Variants in SEPSECS observed in about 807,000 individuals in gnomAD.
SEPSECS encodes O-phosphoseryl-tRNA(Sec) selenium transferase.
A neutral mutation model predicts 52.1 loss-of-function variants in SEPSECS; 42 were observed. That is an observed-to-expected ratio of 0.81 (90% CI 0.63 to 1.04). The LOEUF is 1.04. SEPSECS is among the 50% of genes least tolerant of loss of function. The pLI is 0.00. For missense variants in SEPSECS, 590 were observed against 610.6 expected, an observed-to-expected ratio of 0.97 and a Z score of 0.36; for synonymous variants, 216 against 211.4, an observed-to-expected ratio of 1.02 and a Z score of -0.19.
rs1318956210 is a variant in SEPSECS at position 25,123,859 on chromosome 4, AT to A, written c.*71del. On this transcript the variant is annotated 3_prime_UTR_variant, in exon 11 of 11. Transcript: ENST00000382103. ...TCTCAATTCAAAAATCTCAAGTCTT[AT>A]CTTTAAACTGCTTGCTTGTACTACA... The A allele has an allele frequency of 7.4e-7, 1 of 1,342,868 alleles. No homozygotes were observed. Among genetic ancestry groups the A allele is most frequent in the Non-Finnish European group, 1.1e-6 (1 of 938,452 alleles). 83.2% of individuals were successfully genotyped at this position (1,342,868 alleles called of 1,614,324 possible). A position where few individuals can be genotyped will look rare whatever the true frequency, so the allele number is the denominator to read the frequency against.
chr4:25,154,958 C>T, intron 5 of SEPSECS, 40 bp downstream of exon 5: 1 of 1,596,548 alleles, frequency 6.3e-7, no homozygotes, highest in South Asian at 1.1e-5. Context: ...ATTTAAAAGA[C>T]TGATAAACAG....
At chr4:25,144,711 A>C (rs1373757050) in intron 8 of SEPSECS, 63 bp downstream of exon 8, 7 of 1,169,426 alleles carry the variant, frequency 6.0e-6, no homozygotes, top group Non-Finnish European at 7.7e-6. Flanking sequence ...GGCAGAAAAC[A>C]CCAATGATTT....
intron 8 of SEPSECS, among the ~76,000 whole-genome samples, chr4:25,130,317 A>G (rs1728560516): frequency 1.3e-5 from 2 of 152,358 alleles, no homozygotes; most frequent in South Asian, 4.1e-4. Context: ...TGTTTCCTAA[A>G]TAACACCCCT....
chr4:25,144,885 T>C lies in SEPSECS; in HGVS notation c.935-20A>G. On this transcript the variant is annotated intron_variant, in intron 7 of 10. Coordinates refer to ENST00000382103, the MANE Select transcript of SEPSECS (RefSeq NM_016955.4). The stretch of plus-strand genomic sequence containing the variant: ...CTCTTCCTGAAATAAGAAGGATAAG[T>C]TACATTAAGACTGTGGTGGGGGGGT... 6.3e-7 allele frequency: 1 copy of C among 1,599,562 alleles called. No homozygotes were observed. Among genetic ancestry groups the C allele is most frequent in the Non-Finnish European group, 8.6e-7 (1 of 1,166,970 alleles).
chr4:25,124,374 T>C (rs748650296), intron 10 of SEPSECS, 149 bp from the exon 11 acceptor site: 24 of 700,624 alleles, frequency 3.4e-5, no homozygotes, highest in Middle Eastern at 3.6e-4. Context: ...AAATAGACTG[T>C]ATCGACTTTA....
intron 8 of SEPSECS, among the ~76,000 whole-genome samples, chr4:25,144,294 C>T (rs1052524921): frequency 1.4e-5 from 2 of 139,764 alleles, no homozygotes; most frequent in African/African-American, 5.3e-5. Context: ...GAGCCAAGAT[C>T]GTGCCATTGC....
At position 25,155,173 on chromosome 4, in the gene SEPSECS, C is replaced by T. The variant is rs561032938; in HGVS notation, c.548-22G>A. 4 of 1,613,590 alleles carry T rather than the reference C, an allele frequency of 2.5e-6. No individual in the cohort carries two copies. The East Asian group carries it at 6.7e-5, about 27-fold the overall frequency. On this transcript the variant is annotated intron_variant, in intron 4 of 10. Coordinates refer to ENST00000382103, the MANE Select transcript of SEPSECS (RefSeq NM_016955.4). Reference sequence around the variant, plus strand: ...AAACCTAACCAAACCAACCAGAAAACAAAATGTTAGTGTGAACTAAAATAA... The same window carrying T: ...AAACCTAACCAAACCAACCAGAAAATAAAATGTTAGTGTGAACTAAAATAA...
intron 2 of SEPSECS, 129 bp from the exon 3 acceptor site, chr4:25,157,103 A>G: frequency 1.4e-6 from 1 of 714,894 alleles, no homozygotes. Flanking sequence ...GATATATGTC[A>G]CAAACTATTA....
rs533043851 is a variant in SEPSECS, at chr4:25,120,845, A to C, written c.*3086T>G. The C allele has an allele frequency of 5.3e-5, 8 of 152,228 alleles. No homozygotes were observed. In the East Asian group the frequency reaches 1.5e-3, roughly 29 times the overall value. 9.4% of individuals were successfully genotyped at this position (152,228 alleles called of 1,614,324 possible). A position where few individuals can be genotyped will look rare whatever the true frequency, so the allele number is the denominator to read the frequency against. On this transcript the variant is annotated 3_prime_UTR_variant, in exon 11 of 11. Coordinates refer to ENST00000382103, the MANE Select transcript of SEPSECS (RefSeq NM_016955.4). ...AACTCTCAGGATGAACTACTAATTC[A>C]ATATTAAAGTAACATCAGCAGTAAA...
chr4:25,147,242 C>A (rs1397787544), intron 6 of SEPSECS, among the ~76,000 whole-genome samples: 1 of 152,180 alleles, frequency 6.6e-6, no homozygotes, highest in Non-Finnish European at 1.5e-5. Flanking sequence ...TATCCATCCT[C>A]CCCAAATACC....
chr4:25,147,963 G>T (rs1712066150), intron 6 of SEPSECS, among the ~76,000 whole-genome samples: 1 of 152,106 alleles, frequency 6.6e-6, no homozygotes, highest in African/African-American at 2.4e-5. Flanking sequence ...AGGACCTTAG[G>T]GAAGTCACTT....
At chr4:25,139,384 C>CTTTTTTTTTTTT (rs5856888) in intron 8 of SEPSECS, among the ~76,000 whole-genome samples, 1 of 108,848 alleles carries the variant, frequency 9.2e-6, no homozygotes, top group Non-Finnish European at 1.7e-5. Context: ...AAAGTTGTGT[C>CTTTTTTTTTTTT]TTTTTTTTTT....
chr4:25,145,180 A>G (rs774647245), intron 6 of SEPSECS, 47 bp from the exon 7 acceptor site: 10 of 1,593,582 alleles, frequency 6.3e-6, no homozygotes, highest in Non-Finnish European at 8.6e-6. Context: ...AAAACAGACA[A>G]CTGCTATTAA....
intron 6 of SEPSECS, among the ~76,000 whole-genome samples, chr4:25,145,657 A>G (rs1422621205): frequency 6.6e-6 from 1 of 152,168 alleles, no homozygotes; most frequent in Non-Finnish European, 1.5e-5. Context: ...TTTTTTGACA[A>G]CAAATGTCTA....
At chr4:25,134,061 G>T (rs554595496) in intron 8 of SEPSECS, among the ~76,000 whole-genome samples, 6 of 143,384 alleles carry the variant, frequency 4.2e-5, no homozygotes, top group South Asian at 4.5e-4. Flanking sequence ...AGAGGTCAAG[G>T]CTGCAGTGAG....
chr4:25,132,109 C>A (rs532504991), intron 8 of SEPSECS, among the ~76,000 whole-genome samples: 2 of 152,184 alleles, frequency 1.3e-5, no homozygotes, highest in South Asian at 4.1e-4. Context: ...TCTCTCTGAT[C>A]CTTTCACCCT....
chr4:25,128,470 A>G (rs1011657545), intron 8 of SEPSECS, among the ~76,000 whole-genome samples: 1 of 152,112 alleles, frequency 6.6e-6, no homozygotes, highest in Non-Finnish European at 1.5e-5. Flanking sequence ...AACAAAACAA[A>G]AAAAGGCAAC....
chr4:25,159,853 G>C (rs1181568937), intron 1 of SEPSECS: 2 of 1,084,718 alleles, frequency 1.8e-6, no homozygotes, highest in Non-Finnish European at 2.3e-6. Flanking sequence ...AAGTTCCGCG[G>C]AAAGCTCGTG....
intron 8 of SEPSECS, among the ~76,000 whole-genome samples, chr4:25,140,799 T>C (rs1053557217): frequency 6.6e-6 from 1 of 152,120 alleles, no homozygotes; most frequent in African/African-American, 2.4e-5. Flanking sequence ...CTCACCCTAC[T>C]TGACCTATCA....
Sources: gnomAD v4.1 joint callset for allele counts (sites outside exome capture counted in the v4.1 genomes callset) on GRCh38, gnomAD v4.1.1 for gene constraint, MANE v1.5 for transcripts, NCBI Gene and HGNC (gene_info 2026-07-23, HGNC 2026-07-21) for gene names.